Variants in NOL4 observed in about 807,000 individuals in gnomAD.
The protein encoded by NOL4 is cancer/testis antigen 125.
In NOL4, 17 loss-of-function variants were observed where a neutral mutation model predicts 75.9. The observed-to-expected ratio is 0.22, with a 90% confidence interval of 0.15 to 0.34. The LOEUF is 0.34. NOL4 is among the 10% of genes least tolerant of loss of function. NOL4 has a pLI of 1.00. For synonymous variants in NOL4, 292 were observed against 289.9 expected, an observed-to-expected ratio of 1.01 and a Z score of -0.07; for missense variants, 614 against 793.5, an observed-to-expected ratio of 0.77 and a Z score of 2.72.
At chr18:33,982,025 G>T (rs1415130146) in intron 6 of NOL4, among the ~76,000 whole-genome samples, 1 of 151,950 alleles carries the variant, frequency 6.6e-6, no homozygotes, top group Non-Finnish European at 1.5e-5. Context: ...TCTAGAGCAA[G>T]CACTAGAAAC....
At chr18:34,109,546 A>G (rs2079482157) in intron 2 of NOL4, among the ~76,000 whole-genome samples, 1 of 152,048 alleles carries the variant, frequency 6.6e-6, no homozygotes, top group Non-Finnish European at 1.5e-5. Context: ...AATAATATTA[A>G]TGAATTAATT....
intron 6 of NOL4, among the ~76,000 whole-genome samples, chr18:33,963,255 T>A (rs2070297949): frequency 6.6e-6 from 1 of 152,168 alleles, no homozygotes; most frequent in Non-Finnish European, 1.5e-5. Context: ...CCAACACATA[T>A]CCCTCACAGA....
At chr18:34,087,454 G>A (rs1279384798) in intron 5 of NOL4, among the ~76,000 whole-genome samples, 1 of 151,938 alleles carries the variant, frequency 6.6e-6, no homozygotes, top group East Asian at 1.9e-4. Context: ...AAACAGAAAT[G>A]CATCTCAATT....
At chr18:33,876,400 T>C (rs962872477) in intron 10 of NOL4, among the ~76,000 whole-genome samples, 2 of 152,048 alleles carry the variant, frequency 1.3e-5, no homozygotes, top group Non-Finnish European at 2.9e-5. Flanking sequence ...TAAGGTTAGT[T>C]CTACTTGATC....
intron 5 of NOL4, among the ~76,000 whole-genome samples, chr18:34,093,180 T>C (rs183827703): frequency 6.6e-6 from 1 of 152,312 alleles, no homozygotes; most frequent in East Asian, 1.9e-4. Context: ...CCAAACTGTA[T>C]TGATATAACA....
intron 6 of NOL4, among the ~76,000 whole-genome samples, chr18:34,000,550 A>G (rs557185302): frequency 1.6e-3 from 243 of 152,276 alleles, no homozygotes; most frequent in African/African-American, 5.5e-3. Context: ...CTTGCGGAAC[A>G]TATCAGTCAG....
chr18:34,133,192 A>T (rs1227386417), intron 1 of NOL4, among the ~76,000 whole-genome samples: 1 of 151,490 alleles, frequency 6.6e-6, no homozygotes, highest in Non-Finnish European at 1.5e-5. Context: ...GAATAGCTTG[A>T]ACCTGGGAGG....
chr18:34,194,156 T>C (rs11081849), intron 1 of NOL4, among the ~76,000 whole-genome samples: 36,353 of 151,998 alleles, frequency 0.24, 5,119 homozygotes, highest in East Asian at 0.44. Flanking sequence ...GAATGTATGA[T>C]TTGGTGACTA....
rs1189164107 is a variant in NOL4, at chr18:33,891,708, A to AT, written c.1543-8285dup. Reference sequence around the variant, plus strand: ...GAGAAAAAGGAAAAAGGGAGAAGGCATTGTTGCCACAGTATTTTCTCTTTG... The same window carrying AT: ...GAGAAAAAGGAAAAAGGGAGAAGGCATTTGTTGCCACAGTATTTTCTCTTTG... On this transcript the variant is annotated intron_variant, in intron 9 of 10. Coordinates refer to ENST00000261592, the MANE Select transcript of NOL4 (RefSeq NM_003787.5). Among the ~76,000 whole-genome samples the AT allele has an allele frequency of 2.6e-5, 4 of 152,220 alleles. No individual in the cohort carries two copies. In the East Asian group the frequency reaches 7.7e-4, roughly 29 times the overall value.
Position 34,129,993 on chromosome 18 carries a change from A to G in NOL4, c.292T>C (p.Ser98Pro). The G allele has an allele frequency of 3.1e-6, 5 of 1,597,854 alleles. No individual in the cohort carries two copies. Among genetic ancestry groups the G allele is most frequent in the Non-Finnish European group, 4.3e-6 (5 of 1,171,498 alleles). ...TCAACCACAGCTACCCGTCGTAAAG[A>G]TAGCTTCTCATCTACCCCTACGCCA... Reference protein sequence around the residue: ...TDGVGVDEKLSLRRVAVVEDF... With the variant: ...TDGVGVDEKLPLRRVAVVEDF... Residue 98 changes from serine to proline, a missense_variant, in exon 2 of 11, where the codon TCT becomes CCT. Ser to Pro is a moderately conservative substitution (Grantham distance 74). Transcript: ENST00000261592.
chr18:34,122,242 T>C (rs373702525), intron 2 of NOL4, among the ~76,000 whole-genome samples: 7 of 152,058 alleles, frequency 4.6e-5, no homozygotes, highest in African/African-American at 1.4e-4. Flanking sequence ...AAGAGATAGA[T>C]GGATAAAAAT....
intron 1 of NOL4, among the ~76,000 whole-genome samples, chr18:34,186,415 A>C (rs1040528504): frequency 6.6e-6 from 1 of 152,220 alleles, no homozygotes; most frequent in African/African-American, 2.4e-5. Flanking sequence ...TAGGTGACAA[A>C]TATTCATAAC....
chr18:34,142,723 C>G (rs12456716), intron 1 of NOL4, among the ~76,000 whole-genome samples: 36,497 of 152,028 alleles, frequency 0.24, 5,145 homozygotes, highest in East Asian at 0.44. Flanking sequence ...GGAGATAAAT[C>G]TAATGTAAAT....
At chr18:33,929,847 T>C (rs531329193) in intron 9 of NOL4, among the ~76,000 whole-genome samples, 88 of 152,230 alleles carry the variant, frequency 5.8e-4, no homozygotes, top group African/African-American at 1.9e-3. Flanking sequence ...AGAAAATAAC[T>C]AGAACAGTTC....
rs9966362 is a variant in NOL4 at position 33,916,746 on chromosome 18, C to T, written c.1542+26319G>A. Among the ~76,000 whole-genome samples the T allele has an allele frequency of 3.3e-3, 500 of 152,184 alleles. 6 individuals carry two copies. Among genetic ancestry groups the T allele is most frequent in the African/African-American group, 0.011 (461 of 41,540 alleles). ...AAATATAAATATTATTTAGACATGC[C>T]TAGTACTAAATGTATCTATGTTTAG... On this transcript the variant is annotated intron_variant, in intron 9 of 10. Transcript: ENST00000261592.
chr18:34,075,432 G>A lies in NOL4; in HGVS notation c.772+18033C>T, dbSNP rs1023960194. ...AGCCAAGGGTCTTTTTTCCCTCTGA[G>A]AATACTGAAGAAATTGTGTTGGGTG... On this transcript the variant is annotated intron_variant, in intron 5 of 10. Transcript: ENST00000261592. Among the ~76,000 whole-genome samples the A allele has an allele frequency of 2.0e-5, 3 of 152,216 alleles. No individual in the cohort carries two copies. The South Asian group carries it at 6.2e-4, about 32-fold the overall frequency.
intron 10 of NOL4, among the ~76,000 whole-genome samples, chr18:33,858,810 T>A (rs2062955811): frequency 2.0e-5 from 3 of 152,094 alleles, no homozygotes; most frequent in African/African-American, 7.2e-5. Context: ...TGATATTTTT[T>A]AATGGGCAGA....
intron 1 of NOL4, among the ~76,000 whole-genome samples, chr18:34,179,589 C>CA (rs201269507): frequency 0.035 from 5,252 of 151,124 alleles, 92 homozygotes; most frequent in Middle Eastern, 0.048. Flanking sequence ...AGCTGTTTAC[C>CA]AAAAAAATAG....
chr18:33,933,901 T>C (rs1361642945), intron 9 of NOL4, among the ~76,000 whole-genome samples: 1 of 152,134 alleles, frequency 6.6e-6, no homozygotes, highest in Non-Finnish European at 1.5e-5. Flanking sequence ...TGGTGAATCC[T>C]TTTCAAAAGG....
Sources: gnomAD v4.1 joint callset for allele counts (sites outside exome capture counted in the v4.1 genomes callset) on GRCh38, gnomAD v4.1.1 for gene constraint, MANE v1.5 for transcripts, NCBI Gene and HGNC (gene_info 2026-07-23, HGNC 2026-07-21) for gene names.